Variants in MTG2 observed in about 807,000 individuals in gnomAD.
MTG2 encodes mitochondrial ribosome-associated GTPase 2.
Under a neutral mutation model 28.6 loss-of-function variants are expected in MTG2, and 23 were observed. That is an observed-to-expected ratio of 0.80 (90% CI 0.58 to 1.14). The LOEUF (loss-of-function observed/expected upper bound fraction) is 1.14, where lower values mean the gene tolerates loss of function less well. MTG2 is among the 50% of genes most tolerant of loss of function. The pLI, the probability that MTG2 is intolerant of heterozygous loss-of-function variation, is 0.00. For missense variants in MTG2, 539 were observed against 552.0 expected (o/e 0.98, Z 0.24); for synonymous variants, 260 against 251.8 (o/e 1.03, Z -0.31).
chr20:62,190,166 G>A (rs75457691), intron 1 of MTG2, among the ~76,000 whole-genome samples: 1 of 152,136 alleles, frequency 6.6e-6, no homozygotes, highest in Non-Finnish European at 1.5e-5. Context: ...GGAGGTTCCA[G>A]TCTGCACACC....
Position 62,195,935 on chromosome 20 carries a change from A to G in MTG2, c.338A>G (p.His113Arg). 1 of 1,614,112 alleles carries G rather than the reference A, an allele frequency of 6.2e-7. No individual in the cohort carries two copies. Among genetic ancestry groups the G allele is most frequent in the Non-Finnish European group, 8.5e-7 (1 of 1,180,012 alleles). Reference sequence around the variant, plus strand: ...GGAGGGGACGGAGGCAACGGTGGACACGTCATTCTGAGAGGCAGGTGCCCT... The same window carrying G: ...GGAGGGGACGGAGGCAACGGTGGACGCGTCATTCTGAGAGGCAGGTGCCCT... ...PDGGDGGNGG[H>R]VILRVDQQVK... Residue 113 changes from histidine to arginine, a missense_variant, in exon 3 of 7, where the codon CAC (histidine) becomes CGC (arginine). His to Arg is a conservative substitution (Grantham distance 29). Transcript: ENST00000370823.
chr20:62,198,636 C>T lies in MTG2; in HGVS notation c.471C>T (p.Val157=), dbSNP rs767825029. The T allele has an allele frequency of 1.9e-6, 3 of 1,613,222 alleles. No homozygotes were observed. The African/African-American group carries it at 4.0e-5, about 22-fold the overall frequency. The change falls in exon 5 of 7, where the codon GTC becomes GTT. Residue 157 remains valine (V), a splice_region_variant and synonymous_variant. Transcript: ENST00000370823. ...GRSGAVLYIR[V]PVGTLVKEGG... ...GATGAGTGCCTGCTGTTCCCCAGGT[C>T]CCCGTGGGCACGCTGGTGAAGGAGG...
rs1254903948 is a variant in MTG2, at chr20:62,203,208, C to T, written c.*2131C>T. On this transcript the variant is annotated 3_prime_UTR_variant, in exon 7 of 7. Transcript: ENST00000370823. Reference sequence around the variant, plus strand: ...TGTGGCTCGACCCCTGCACGGAGCCCCCAGCCCAGCCTCCCCGTGGGTTGA... The same window carrying T: ...TGTGGCTCGACCCCTGCACGGAGCCTCCAGCCCAGCCTCCCCGTGGGTTGA... 4 of 152,200 alleles carry T rather than the reference C, an allele frequency of 2.6e-5. No individual in the cohort carries two copies. The South Asian group carries it at 6.2e-4, about 24-fold the overall frequency. The allele number at this position is 152,200 out of a possible 1,614,324, so 9.4% of individuals were successfully genotyped here.
chr20:62,197,949 C>T lies in MTG2; in HGVS notation c.450C>T (p.Gly150=), dbSNP rs950173255. 5.0e-6 allele frequency: 8 copies of T among 1,613,878 alleles called. No individual in the cohort carries two copies. Among genetic ancestry groups the T allele is most frequent in the Non-Finnish European group, 1.7e-6 (2 of 1,179,898 alleles). Residue 150 remains glycine, a synonymous_variant, in exon 4 of 7, where the codon GGC becomes GGT. Transcript: ENST00000370823. Reference sequence around the variant, plus strand: ...GTAAAAACTGCTTCGGGCGCAGTGGCGCCGTCCTCTACATCCGGGTGAGCC... The same window carrying T: ...GTAAAAACTGCTTCGGGCGCAGTGGTGCCGTCCTCTACATCCGGGTGAGCC... The part of the protein sequence containing the change: ...GGSKNCFGRS[G]AVLYIRVPVG...
chr20:62,186,012 C>T (rs146328785), intron 1 of MTG2, among the ~76,000 whole-genome samples: 83 of 152,308 alleles, frequency 5.4e-4, no homozygotes, highest in Admixed American at 2.7e-3. Context: ...ACCTTCTCTG[C>T]GGTTGATCTG....
At chr20:62,194,582 T>G (rs139890371) in intron 2 of MTG2, among the ~76,000 whole-genome samples, 2 of 152,374 alleles carry the variant, frequency 1.3e-5, no homozygotes, top group African/African-American at 2.4e-5. Context: ...TTTTAAATTT[T>G]TAAATTTTTT....
At chr20:62,195,467 C>G (rs964083235) in intron 2 of MTG2, among the ~76,000 whole-genome samples, 12 of 152,232 alleles carry the variant, frequency 7.9e-5, no homozygotes, top group African/African-American at 2.9e-4. Context: ...ATTTCCTAAA[C>G]AAGATGTGGG....
intron 1 of MTG2, among the ~76,000 whole-genome samples, chr20:62,189,115 C>T (rs999763492): frequency 6.6e-6 from 1 of 151,978 alleles, no homozygotes; most frequent in Non-Finnish European, 1.5e-5. Flanking sequence ...TTGAGACCAG[C>T]CTGGGTAACT....
intron 1 of MTG2, among the ~76,000 whole-genome samples, chr20:62,190,881 T>A (rs1381128405): frequency 6.6e-6 from 1 of 152,200 alleles, no homozygotes; most frequent in African/African-American, 2.4e-5. Context: ...AGGAAGGGTA[T>A]CAAGGGGAGG....
intron 1 of MTG2, among the ~76,000 whole-genome samples, chr20:62,191,967 T>A (rs1279180972): frequency 2.0e-5 from 3 of 152,250 alleles, no homozygotes; most frequent in African/African-American, 7.2e-5. Flanking sequence ...ACTTAGAGTC[T>A]GCAGCTGTGC....
At chr20:62,186,348 G>A (rs554798109) in intron 1 of MTG2, among the ~76,000 whole-genome samples, 15 of 152,210 alleles carry the variant, frequency 9.9e-5, no homozygotes, top group Admixed American at 7.9e-4. Flanking sequence ...AGGTCTTGAA[G>A]GTTTACTGTG....
intron 4 of MTG2, 69 bp from the exon 5 acceptor site, chr20:62,198,565 G>A: frequency 6.6e-7 from 1 of 1,521,334 alleles, no homozygotes; most frequent in Non-Finnish European, 9.0e-7. Flanking sequence ...GCTTGCTTCA[G>A]GAATGGGTTA....
chr20:62,183,212 C>T (rs1013177904), intron 1 of MTG2, among the ~76,000 whole-genome samples, 155 bp downstream of exon 1: 4 of 152,174 alleles, frequency 2.6e-5, no homozygotes, highest in African/African-American at 9.6e-5. Context: ...GGCTGCCGGG[C>T]TGCGAACCCC....
chr20:62,186,243 G>A (rs1418241780), intron 1 of MTG2, among the ~76,000 whole-genome samples: 1 of 152,174 alleles, frequency 6.6e-6, no homozygotes, highest in Non-Finnish European at 1.5e-5. Flanking sequence ...TTAAAATGAG[G>A]ATGATGAAGG....
Position 62,200,693 on chromosome 20 carries a change from C to A in MTG2, c.837C>A (p.Ile279=), listed in dbSNP as rs780633108. ...CTGTCTTCCCTGCAGTGGCCGACAT[C>A]CCCGGCATCATACGAGGCGCCCACC... ...EGHLQIAVAD[I]PGIIRGAHQN... The change falls in exon 7 of 7, where the codon ATC becomes ATA. Residue 279 remains isoleucine (I), a synonymous_variant. Transcript: ENST00000370823. The A allele has an allele frequency of 6.2e-7, 1 of 1,608,658 alleles. No individual in the cohort carries two copies. Among genetic ancestry groups the A allele is most frequent in the East Asian group, 2.2e-5 (1 of 44,830 alleles).
intron 3 of MTG2, 117 bp downstream of exon 3, chr20:62,196,066 A>G (rs2058051607): frequency 1.6e-6 from 2 of 1,289,082 alleles, no homozygotes; most frequent in Non-Finnish European, 2.1e-6. Context: ...TGATCCCAGC[A>G]CTTGGAGAGG....
At chr20:62,189,898 C>T (rs1362468139) in intron 1 of MTG2, among the ~76,000 whole-genome samples, 2 of 151,934 alleles carry the variant, frequency 1.3e-5, no homozygotes, top group East Asian at 1.9e-4. Context: ...CTCCTGACCT[C>T]GTGGTCCGCC....
intron 2 of MTG2, among the ~76,000 whole-genome samples, chr20:62,195,083 C>G (rs62205890): frequency 0.23 from 34,459 of 151,968 alleles, 4,121 homozygotes; most frequent in South Asian, 0.39. Flanking sequence ...GTAGTCCCAG[C>G]TACTTAGGAG....
chr20:62,190,523 C>T (rs148418734), intron 1 of MTG2, among the ~76,000 whole-genome samples: 14 of 152,292 alleles, frequency 9.2e-5, no homozygotes, highest in African/African-American at 2.6e-4. Context: ...AAACTATGTT[C>T]GTTTTCTGCC....
Sources: gnomAD v4.1 joint callset for allele counts (sites outside exome capture counted in the v4.1 genomes callset) on GRCh38, gnomAD v4.1.1 for gene constraint, MANE v1.5 for transcripts, NCBI Gene and HGNC (gene_info 2026-07-23, HGNC 2026-07-21) for gene names.